ARSG: variants seen among roughly 807,000 people sequenced by gnomAD.
ARSG encodes the protein ASG.
ARSG carries 37 observed loss-of-function variants against 50.5 expected under a neutral mutation model. The ratio of observed to expected loss-of-function variants is 0.73; its 90% CI spans 0.56 to 0.96. ARSG has a LOEUF of 0.96. Among genes scored for constraint, ARSG ranks in the 50% least tolerant of loss-of-function variants. ARSG has a pLI of 0.00. For missense variants in ARSG, 629 were observed against 675.3 expected (o/e 0.93, Z 0.76); for synonymous variants, 225 against 254.6 (o/e 0.88, Z 1.11).
upstream of ARSG, among the ~76,000 whole-genome samples, chr17:68,289,525 A>T (rs2075919103): frequency 6.6e-6 from 1 of 152,250 alleles, no homozygotes; most frequent in Non-Finnish European, 1.5e-5. Flanking sequence ...GAGCAAAAGC[A>T]CTGCGGATTT....
At chr17:68,352,289 T>A (rs566276761) in intron 5 of ARSG, among the ~76,000 whole-genome samples, 1 of 151,486 alleles carries the variant, frequency 6.6e-6, no homozygotes, top group East Asian at 1.9e-4. Context: ...CCAAATAGGA[T>A]GTTTTGAAAA....
At chr17:68,376,885 A>C (rs1179599987) in intron 8 of ARSG, among the ~76,000 whole-genome samples, 2 of 149,548 alleles carry the variant, frequency 1.3e-5, no homozygotes, top group African/African-American at 4.9e-5. Flanking sequence ...TTTGAGACAA[A>C]GTCTTGCTCT....
intron 5 of ARSG, among the ~76,000 whole-genome samples, chr17:68,352,117 GAGGA>G (rs2078806768): frequency 7.3e-5 from 6 of 82,542 alleles, no homozygotes; most frequent in African/African-American, 2.6e-4. Context: ...GAGAGAGACA[GAGGA>G]GAGAGAGAGA....
In ARSG at chr17:68,278,245, C is replaced by T. The variant is rs1446972219; in HGVS notation, c.-552+18819C>T. The stretch of plus-strand genomic sequence containing the variant: ...ACGAAGAAAAATGAAACAGCTACCG[C>T]CCAGCCCCATCCTCCATCAGGCACT... On this transcript the variant is annotated intron_variant, in intron 1 of 11. Transcript: ENST00000448504. 1.1e-5 allele frequency: 17 copies of T among 1,614,080 alleles called. No individual in the cohort carries two copies. The highest frequency in any genetic ancestry group is 1.4e-5 in the Non-Finnish European group (17 of 1,180,032).
rs565272434 is a variant in ARSG at position 68,316,786 on chromosome 17, G to A, written c.218+9075G>A. ...AGCTCTTATGATTCCCTATGACACC[G>A]GCCCTGCTCCCCTGTTCGTCACAAT... On this transcript the variant is annotated intron_variant, in intron 2 of 11. Coordinates refer to ENST00000621439, the MANE Select transcript of ARSG (RefSeq NM_001267727.2). Among the ~76,000 whole-genome samples the A allele has an allele frequency of 9.2e-5, 14 of 152,200 alleles. No homozygotes were observed. The South Asian group carries it at 1.5e-3, about 16-fold the overall frequency.
At chr17:68,299,397 G>A (rs2076330682) in intron 1 of ARSG, among the ~76,000 whole-genome samples, 2 of 151,852 alleles carry the variant, frequency 1.3e-5, no homozygotes, top group Non-Finnish European at 2.9e-5. Context: ...GAGCCACCGC[G>A]CCTAGCTGAA....
At chr17:68,284,737 A>C (rs2075803054) in intron 1 of ARSG, among the ~76,000 whole-genome samples, 1 of 152,240 alleles carries the variant, frequency 6.6e-6, no homozygotes, top group Admixed American at 6.5e-5. Context: ...GTAGCCTAGT[A>C]CTTGGGAAGG....
chr17:68,398,638 C>T (rs1259903839), intron 10 of ARSG, among the ~76,000 whole-genome samples: 2 of 152,210 alleles, frequency 1.3e-5, no homozygotes, highest in Non-Finnish European at 2.9e-5. Flanking sequence ...TGCTTCTCAG[C>T]AATCCAGTCC....
intron 9 of ARSG, among the ~76,000 whole-genome samples, chr17:68,392,111 T>C (rs147665513): frequency 6.6e-6 from 1 of 152,232 alleles, no homozygotes; most frequent in East Asian, 1.9e-4. Flanking sequence ...TGCGAAAGCC[T>C]GAACTCTGCT....
chr17:68,261,747 G>A (rs113980400), intron 1 of ARSG, among the ~76,000 whole-genome samples: 3,844 of 152,224 alleles, frequency 0.025, 161 homozygotes, highest in African/African-American at 0.087. Flanking sequence ...GCATTTGGAA[G>A]TGATCAAATT....
chr17:68,385,029 C>A, intron 8 of ARSG, 35 bp from the exon 9 acceptor site: 6 of 1,566,712 alleles, frequency 3.8e-6, no homozygotes, highest in South Asian at 1.1e-5. Context: ...GAGTTATCAC[C>A]ATGGATGAAC....
At chr17:68,437,947 TTA>T in the ARSG span, among the ~76,000 whole-genome samples, 3 of 58,810 alleles carry the variant, frequency 5.1e-5, no homozygotes, top group Non-Finnish European at 6.3e-5. Flanking sequence ...GACATCTCTC[TTA>T]AAAAAAAAAA....
downstream of ARSG, chr17:68,427,279 G>A (rs779691742): frequency 1.9e-6 from 3 of 1,570,144 alleles, no homozygotes; most frequent in South Asian, 3.4e-5. Context: ...AAGAGGAGGT[G>A]AAAGAAAAAA....
intron 11 of ARSG, among the ~76,000 whole-genome samples, chr17:68,402,727 G>A (rs540985968): frequency 1.8e-4 from 28 of 151,358 alleles, no homozygotes; most frequent in African/African-American, 5.8e-4. Context: ...GGGTTTCACC[G>A]TGTTAGCCAG....
chr17:68,417,516 T>A (rs1389539666), intron 11 of ARSG, among the ~76,000 whole-genome samples: 1 of 152,036 alleles, frequency 6.6e-6, no homozygotes, highest in East Asian at 1.9e-4. Context: ...GAGTTTTTCA[T>A]CTCTCAGACT....
At chr17:68,434,546 G>T in the ARSG span, 1 of 1,613,704 alleles carries the variant, frequency 6.2e-7, no homozygotes, top group South Asian at 1.1e-5. Flanking sequence ...GTTTGACATT[G>T]AACACAGACC....
intron 2 of ARSG, among the ~76,000 whole-genome samples, chr17:68,330,199 G>A (rs1253929330): frequency 6.6e-6 from 1 of 151,752 alleles, no homozygotes; most frequent in Non-Finnish European, 1.5e-5. Context: ...GGCAGAGTGA[G>A]GCTCCATCTC....
At chr17:68,447,522 C>T in the ARSG span, among the ~76,000 whole-genome samples, 13 of 152,210 alleles carry the variant, frequency 8.5e-5, no homozygotes, top group South Asian at 2.1e-4. Flanking sequence ...GCTAGGCCTA[C>T]GGGCAAGTGC....
At chr17:68,391,087 T>A (rs2080972492) in intron 9 of ARSG, among the ~76,000 whole-genome samples, 2 of 152,144 alleles carry the variant, frequency 1.3e-5, no homozygotes, top group Non-Finnish European at 1.5e-5. Context: ...TCCGAGGTTT[T>A]AAAGACTCCC....
Sources: gnomAD v4.1 joint callset for allele counts (sites outside exome capture counted in the v4.1 genomes callset) on GRCh38, gnomAD v4.1.1 for gene constraint, MANE v1.5 for transcripts, NCBI Gene and HGNC (gene_info 2026-07-23, HGNC 2026-07-21) for gene names.